The following KCNIP4 variants were observed in gnomAD, a reference collection of about 807,000 sequenced individuals.
KCNIP4 encodes the protein potassium voltage-gated channel interacting protein 4, also known as Kv channel-interacting protein 4.
A neutral mutation model predicts 34.0 loss-of-function variants in KCNIP4; 12 were observed. The observed-to-expected ratio is 0.35, with a 90% CI of 0.23 to 0.57. KCNIP4 has a LOEUF of 0.57. Among genes scored for constraint, KCNIP4 ranks in the 20% least tolerant of loss-of-function variants. KCNIP4 has a pLI of 0.83. For missense variants in KCNIP4, 238 were observed against 311.7 expected (o/e 0.76, Z 1.78); for synonymous variants, 124 against 102.2 (o/e 1.21, Z -1.29).
chr4:21,060,945 T>C (rs1406616324), intron 1 of KCNIP4, among the ~76,000 whole-genome samples: 3 of 152,178 alleles, frequency 2.0e-5, no homozygotes, highest in African/African-American at 7.2e-5. Context: ...TACGGAAAGA[T>C]AGGGAAACAT....
At chr4:21,151,322 A>G (rs1202025519) in intron 1 of KCNIP4, among the ~76,000 whole-genome samples, 1 of 151,904 alleles carries the variant, frequency 6.6e-6, no homozygotes, top group Non-Finnish European at 1.5e-5. Context: ...GTTTCCCACA[A>G]TCACATCAGG....
chr4:21,109,989 G>A (rs1749014075), intron 1 of KCNIP4, among the ~76,000 whole-genome samples: 1 of 152,094 alleles, frequency 6.6e-6, no homozygotes, highest in Non-Finnish European at 1.5e-5. Context: ...CAAATTTGTT[G>A]TTAGGGATGA....
intron 1 of KCNIP4, among the ~76,000 whole-genome samples, chr4:21,047,985 G>A (rs1742582622): frequency 1.3e-5 from 2 of 152,112 alleles, no homozygotes; most frequent in African/African-American, 4.8e-5. Flanking sequence ...TATATGGTGG[G>A]AAAAACAACT....
chr4:21,699,044 C>T (rs1712616198), intron 1 of KCNIP4, among the ~76,000 whole-genome samples: 7 of 152,174 alleles, frequency 4.6e-5, no homozygotes. Context: ...CAGCAACGTG[C>T]TTTCTGAAGT....
intron 1 of KCNIP4, among the ~76,000 whole-genome samples, chr4:21,383,937 A>T (rs1410449705): frequency 6.6e-6 from 1 of 152,158 alleles, no homozygotes; most frequent in Admixed American, 6.6e-5. Context: ...GATCTAGCTC[A>T]TGCCTACCTC....
rs1413657844 is a variant in KCNIP4, at chr4:21,405,880, T to C, written c.62-523171A>G. On this transcript the variant is annotated intron_variant, in intron 1 of 8. Coordinates refer to ENST00000382152, the MANE Select transcript of KCNIP4 (RefSeq NM_025221.6). ...GACAGAGTTTTGCTCTCGTTGCCCA[T>C]GCTAGAGCGCAATGGCGCGATCTTG... Among the ~76,000 whole-genome samples, 24 of 152,206 alleles carry C rather than the reference T, an allele frequency of 1.6e-4. 1 individual carries two copies. The highest frequency in any genetic ancestry group is 1.5e-5 in the Non-Finnish European group (1 of 68,044).
At position 21,790,868 on chromosome 4, in the gene KCNIP4, T is replaced by TGTA. The variant is rs1160094166; in HGVS notation, c.61+157700_61+157702dup. 2.7e-5 allele frequency among the ~76,000 whole-genome samples: 4 copies of TGTA among 150,452 alleles called. No homozygotes were observed. In the East Asian group the frequency reaches 6.0e-4, roughly 22 times the overall value. ...AACAGAAGCTGAAAAGGTATCATTC[T>TGTA]GTAGCATCACAATCTTCATAATTTG... On this transcript the variant is annotated intron_variant, in intron 1 of 8. Transcript: ENST00000382152.
At chr4:21,616,194 C>A (rs1462141481) in intron 1 of KCNIP4, among the ~76,000 whole-genome samples, 1 of 152,150 alleles carries the variant, frequency 6.6e-6, no homozygotes, top group Admixed American at 6.6e-5. Context: ...GTCTCCCATT[C>A]CCTGAAGTGT....
intron 1 of KCNIP4, among the ~76,000 whole-genome samples, chr4:21,266,991 G>A (rs1761854242): frequency 6.6e-6 from 1 of 152,184 alleles, no homozygotes; most frequent in Non-Finnish European, 1.5e-5. Context: ...TTCCTTATCT[G>A]TAAAATGAGA....
chr4:21,099,775 T>C (rs889234685), intron 1 of KCNIP4, among the ~76,000 whole-genome samples: 1 of 152,138 alleles, frequency 6.6e-6, no homozygotes, highest in Non-Finnish European at 1.5e-5. Flanking sequence ...TCATAATTCA[T>C]GGGAGAAGGT....
chr4:21,480,264 T>C (rs1323858011), intron 1 of KCNIP4, among the ~76,000 whole-genome samples: 1 of 152,038 alleles, frequency 6.6e-6, no homozygotes, highest in East Asian at 1.9e-4. Context: ...GATGAACAGA[T>C]TCCCAATTCA....
At chr4:21,400,896 C>T (rs1723501554) in intron 1 of KCNIP4, among the ~76,000 whole-genome samples, 2 of 152,070 alleles carry the variant, frequency 1.3e-5, no homozygotes, top group African/African-American at 2.4e-5. Context: ...CATGGTTGCT[C>T]GTGCCTGTAA....
chr4:21,317,992 T>C (rs1366621515), intron 1 of KCNIP4, among the ~76,000 whole-genome samples: 7 of 152,182 alleles, frequency 4.6e-5, no homozygotes, highest in African/African-American at 1.7e-4. Context: ...GGTATGTCTT[T>C]ACCAGCAGTG....
chr4:21,325,883 A>C (rs903888741), intron 1 of KCNIP4, among the ~76,000 whole-genome samples: 18 of 151,556 alleles, frequency 1.2e-4, no homozygotes, highest in Non-Finnish European at 1.8e-4. Context: ...CTGTTGTTTA[A>C]TTTCTATGTG....
chr4:21,376,711 A>G (rs1311693683), intron 1 of KCNIP4, among the ~76,000 whole-genome samples: 1 of 152,150 alleles, frequency 6.6e-6, no homozygotes, highest in African/African-American at 2.4e-5. Context: ...TCCACAACTC[A>G]TTTGTTCATG....
At chr4:21,110,851 C>T (rs1008064127) in intron 1 of KCNIP4, among the ~76,000 whole-genome samples, 4 of 152,146 alleles carry the variant, frequency 2.6e-5, no homozygotes, top group African/African-American at 9.7e-5. Flanking sequence ...TATTGGACTT[C>T]CTACAGACCA....
At chr4:21,727,704 C>T (rs1371023107) in intron 1 of KCNIP4, among the ~76,000 whole-genome samples, 1 of 152,066 alleles carries the variant, frequency 6.6e-6, no homozygotes, top group Non-Finnish European at 1.5e-5. Flanking sequence ...TGGTGCTCAC[C>T]TGTAATCCCA....
intron 1 of KCNIP4, chr4:21,763,028 C>T (rs564087040): frequency 2.3e-5 from 30 of 1,288,780 alleles, no homozygotes; most frequent in East Asian, 1.7e-4. Flanking sequence ...GCTCAATAAC[C>T]GCTTCTAGAT....
intron 1 of KCNIP4, among the ~76,000 whole-genome samples, chr4:21,520,598 C>T (rs1240731841): frequency 6.6e-6 from 1 of 152,106 alleles, no homozygotes; most frequent in Non-Finnish European, 1.5e-5. Flanking sequence ...GAACTCAGAA[C>T]TTGGCTTGAT....
Sources: gnomAD v4.1 joint callset for allele counts (sites outside exome capture counted in the v4.1 genomes callset) on GRCh38, gnomAD v4.1.1 for gene constraint, MANE v1.5 for transcripts, NCBI Gene and HGNC (gene_info 2026-07-23, HGNC 2026-07-21) for gene names.